Variants in SLC24A2 observed in about 807,000 individuals in gnomAD.
The protein encoded by SLC24A2 is solute carrier family 24 member 2, also known as sodium/potassium/calcium exchanger 2.
Under a neutral mutation model 62.0 loss-of-function variants are expected in SLC24A2, and 36 were observed. The ratio of observed to expected loss-of-function variants is 0.58; its 90% confidence interval spans 0.44 to 0.77. SLC24A2 has a LOEUF of 0.77. Among genes scored for constraint, SLC24A2 ranks in the 30% least tolerant of loss-of-function variants. The pLI is 0.00. For synonymous variants in SLC24A2, 358 were observed against 294.0 expected, an observed-to-expected ratio of 1.22 and a Z score of -2.23; for missense variants, 846 against 817.9, an observed-to-expected ratio of 1.03 and a Z score of -0.42.
At chr9:19,925,459 T>C in the SLC24A2 span, among the ~76,000 whole-genome samples, 2 of 152,260 alleles carry the variant, frequency 1.3e-5, no homozygotes, top group South Asian at 2.1e-4. Flanking sequence ...TGTGAAGCTG[T>C]AACTCCTTGT....
chr9:19,863,301 T>A, the SLC24A2 span, among the ~76,000 whole-genome samples: 2 of 152,052 alleles, frequency 1.3e-5, no homozygotes, highest in Non-Finnish European at 2.9e-5. Context: ...GCTGAAGACT[T>A]CAATACCCCA....
the SLC24A2 span, among the ~76,000 whole-genome samples, chr9:20,297,027 T>C: frequency 6.6e-6 from 1 of 152,182 alleles, no homozygotes; most frequent in Non-Finnish European, 1.5e-5. Context: ...TCCAGAATTA[T>C]ATTTTGGGGA....
intron 2 of SLC24A2, among the ~76,000 whole-genome samples, chr9:19,708,863 A>C (rs961977390): frequency 2.6e-5 from 4 of 152,210 alleles, no homozygotes; most frequent in Non-Finnish European, 4.4e-5. Context: ...CTGCATGTCT[A>C]AAACACCAAA....
chr9:19,834,699 C>T, the SLC24A2 span, among the ~76,000 whole-genome samples: 5 of 152,152 alleles, frequency 3.3e-5, no homozygotes, highest in Non-Finnish European at 7.3e-5. Flanking sequence ...GGCAGGCCAA[C>T]ATTCACATTC....
chr9:19,546,173 A>C (rs1397569435), intron 8 of SLC24A2, among the ~76,000 whole-genome samples: 1 of 152,206 alleles, frequency 6.6e-6, no homozygotes, highest in African/African-American at 2.4e-5. Flanking sequence ...CAGTCAGTAC[A>C]CATGGGTGTC....
At chr9:19,625,994 C>T (rs1002197643) in intron 2 of SLC24A2, among the ~76,000 whole-genome samples, 1 of 152,006 alleles carries the variant, frequency 6.6e-6, no homozygotes, top group Admixed American at 6.6e-5. Context: ...GCTGGAAATC[C>T]CATTTCTTTA....
chr9:19,952,901 A>G, the SLC24A2 span, among the ~76,000 whole-genome samples: 1 of 151,892 alleles, frequency 6.6e-6, no homozygotes, highest in African/African-American at 2.4e-5. Context: ...TATGTTTGAT[A>G]AGGTTTATAA....
chr9:20,037,334 T>A, the SLC24A2 span, among the ~76,000 whole-genome samples: 31,234 of 152,120 alleles, frequency 0.21, 4,497 homozygotes, highest in East Asian at 0.68. Context: ...AACCATCCAC[T>A]TTTTTTGCCT....
intron 2 of SLC24A2, among the ~76,000 whole-genome samples, chr9:19,706,651 T>C (rs2118565130): frequency 6.6e-6 from 1 of 152,286 alleles, no homozygotes; most frequent in African/African-American, 2.4e-5. Flanking sequence ...GTGCTGGGAT[T>C]ACAGGCGTGA....
At chr9:19,944,289 T>A in the SLC24A2 span, among the ~76,000 whole-genome samples, 1 of 151,898 alleles carries the variant, frequency 6.6e-6, no homozygotes, top group Non-Finnish European at 1.5e-5. Context: ...AACGGCAAAA[T>A]CAAAGTTTAA....
the SLC24A2 span, among the ~76,000 whole-genome samples, chr9:20,264,986 G>C: frequency 4.6e-5 from 7 of 152,298 alleles, no homozygotes; most frequent in Non-Finnish European, 1.0e-4. Flanking sequence ...GGATTCACCC[G>C]TGCTCCCAGC....
At chr9:19,760,259 C>T (rs1822278738) in intron 2 of SLC24A2, among the ~76,000 whole-genome samples, 1 of 152,124 alleles carries the variant, frequency 6.6e-6, no homozygotes. Context: ...CGCCCATTCC[C>T]CATCCATTCA....
chr9:20,249,205 T>A, the SLC24A2 span, among the ~76,000 whole-genome samples: 2 of 152,104 alleles, frequency 1.3e-5, no homozygotes, highest in Non-Finnish European at 2.9e-5. Flanking sequence ...CAAAGAGCAA[T>A]TGAGATAGTT....
At chr9:20,228,447 TAA>T in the SLC24A2 span, among the ~76,000 whole-genome samples, 1 of 151,644 alleles carries the variant, frequency 6.6e-6, no homozygotes, top group South Asian at 2.1e-4. Context: ...AATTCCCAAG[TAA>T]GAGAGCTGGC....
intron 8 of SLC24A2, among the ~76,000 whole-genome samples, chr9:19,531,934 T>C (rs190470223): frequency 1.3e-5 from 2 of 152,308 alleles, no homozygotes; most frequent in East Asian, 1.9e-4. Context: ...CAGATAATTA[T>C]ATTTGTTATT....
intron 2 of SLC24A2, among the ~76,000 whole-genome samples, chr9:19,739,955 C>A (rs558129250): frequency 6.6e-6 from 1 of 152,188 alleles, no homozygotes; most frequent in East Asian, 1.9e-4. Context: ...AGAACTCCTA[C>A]AAATCAATTA....
At chr9:19,546,175 A>G (rs7858939) in intron 8 of SLC24A2, among the ~76,000 whole-genome samples, 8,854 of 152,180 alleles carry the variant, frequency 0.058, 821 homozygotes, top group African/African-American at 0.2. Context: ...GTCAGTACAC[A>G]TGGGTGTCAG....
chr9:20,115,318 G>A, the SLC24A2 span, among the ~76,000 whole-genome samples: 1 of 152,116 alleles, frequency 6.6e-6, no homozygotes, highest in African/African-American at 2.4e-5. Flanking sequence ...CCTGGTTAAT[G>A]GAGATTTCGG....
the SLC24A2 span, among the ~76,000 whole-genome samples, chr9:19,985,447 T>C: frequency 2.6e-5 from 4 of 152,160 alleles, no homozygotes; most frequent in African/African-American, 7.2e-5. Flanking sequence ...TATATGAATC[T>C]CAAAAGTATT....
Sources: allele counts gnomAD v4.1 joint callset (sites outside exome capture counted in the v4.1 genomes callset), GRCh38; gene constraint gnomAD v4.1.1; transcripts MANE v1.5; gene names NCBI Gene and HGNC (gene_info 2026-07-23, HGNC 2026-07-21).